CAPN3: variants seen among roughly 807,000 people sequenced by gnomAD.
CAPN3 encodes the protein calpain-3.
A neutral mutation model predicts 114.0 loss-of-function variants in CAPN3; 88 were observed. The observed-to-expected ratio is 0.77, with a 90% confidence interval of 0.65 to 0.92. CAPN3 has a LOEUF of 0.92. CAPN3 is among the 40% of genes least tolerant of loss of function. The pLI is 0.00. For synonymous variants in CAPN3, 386 were observed against 382.9 expected, an observed-to-expected ratio of 1.01 and a Z score of -0.09; for missense variants, 1,028 against 1,069.0, an observed-to-expected ratio of 0.96 and a Z score of 0.53.
chr15:42,403,798 G>C (rs2053943547), intron 14 of CAPN3, 21 bp downstream of exon 14: 1 of 1,612,944 alleles, frequency 6.2e-7, no homozygotes, highest in Non-Finnish European at 8.5e-7. Context: ...TAGATCTTCT[G>C]TGCGAAAAGT....
At chr15:42,392,295 C>T (rs1336149192) in intron 6 of CAPN3, among the ~76,000 whole-genome samples, 1 of 152,066 alleles carries the variant, frequency 6.6e-6, no homozygotes, top group East Asian at 1.9e-4. Context: ...ATCCTGAAGC[C>T]CAGGGCAGCC....
Position 42,396,913 on chromosome 15 carries a change from G to C in CAPN3, c.1193+36G>C, listed in dbSNP as rs745675826. The C allele has an allele frequency of 1.6e-5, 24 of 1,491,034 alleles. 2 individuals carry two copies. In the South Asian group the frequency reaches 2.7e-4, roughly 17 times the overall value. The allele number at this position is 1,491,034 out of a possible 1,614,324, so 92.4% of individuals were successfully genotyped here. A position where few individuals can be genotyped will look rare whatever the true frequency, so the allele number is the denominator to read the frequency against. ...AACCCAGGAAGACCCAGAAGGGTAA[G>C]GGTGGGGAAGAGAGGGGAAATCTCA... On this transcript the variant is annotated intron_variant, in intron 9 of 23. Transcript: ENST00000397163.
chr15:42,380,651 C>T (rs1487167484), intron 1 of CAPN3, among the ~76,000 whole-genome samples: 1 of 145,286 alleles, frequency 6.9e-6, no homozygotes, highest in African/African-American at 2.6e-5. Flanking sequence ...ATATATATGG[C>T]CCCATTCTTC....
intron 15 of CAPN3, among the ~76,000 whole-genome samples, chr15:42,406,429 G>C (rs938913228): frequency 2.0e-5 from 3 of 152,114 alleles, no homozygotes; most frequent in Non-Finnish European, 2.9e-5. Context: ...CCAGGTACTG[G>C]TGCTGGCCCA....
At position 42,410,485 on chromosome 15, in the gene CAPN3, A is replaced by G. The variant is rs759328241; in HGVS notation, c.2173A>G (p.Lys725Glu). Residue 725 changes from lysine (K) to glutamate (E), a missense_variant, in exon 20 of 24, where the codon AAG becomes GAG. Coordinates refer to ENST00000397163, the MANE Select transcript of CAPN3 (RefSeq NM_000070.3). ...GTTCCACCACCTCTGGAACAAGATT[A>G]AGGCCTGGCAGGTGGGAAGAGAAAA... is the stretch of plus-strand genomic sequence containing the variant. ...QEFHHLWNKI[K>E]AWQKIFKHYD... The G allele has an allele frequency of 1.9e-6, 3 of 1,613,972 alleles. No individual in the cohort carries two copies. The South Asian group carries it at 3.3e-5, about 18-fold the overall frequency.
At chr15:42,367,263 G>C (rs2052813183) in intron 1 of CAPN3, among the ~76,000 whole-genome samples, 1 of 152,200 alleles carries the variant, frequency 6.6e-6, no homozygotes, top group Non-Finnish European at 1.5e-5. Context: ...GCACAGGAGT[G>C]TGGGGAGAGA....
intron 17 of CAPN3, 28 bp from the exon 18 acceptor site, chr15:42,409,759 C>A: frequency 6.2e-7 from 1 of 1,609,572 alleles, no homozygotes. Flanking sequence ...ACTCCTGAAC[C>A]ATGACCCTCC....
intron 14 of CAPN3, chr15:42,404,360 A>T (rs759354088): frequency 2.2e-6 from 1 of 456,494 alleles, no homozygotes; most frequent in South Asian, 1.5e-5. Context: ...CACACTTTAC[A>T]CCTTACAAGG....
chr15:42,396,988 G>T (rs566834040), intron 9 of CAPN3, 111 bp downstream of exon 9: 1 of 836,318 alleles, frequency 1.2e-6, no homozygotes, highest in South Asian at 1.4e-5. Context: ...TGGGAGATCT[G>T]GGCTGTGTTC....
chr15:42,387,935 G>T (rs2053448601), intron 4 of CAPN3, 49 bp downstream of exon 4: 1 of 1,613,068 alleles, frequency 6.2e-7, no homozygotes, highest in Non-Finnish European at 8.5e-7. Context: ...GAGAAAGTGG[G>T]TTGCAAAATC....
At chr15:42,371,748 G>A (rs1451846256) in intron 1 of CAPN3, among the ~76,000 whole-genome samples, 3 of 152,116 alleles carry the variant, frequency 2.0e-5, no homozygotes, top group Non-Finnish European at 4.4e-5. Context: ...CAGATCACCT[G>A]AGGTCAGGAG....
intron 1 of CAPN3, among the ~76,000 whole-genome samples, chr15:42,370,149 A>G (rs940035787): frequency 6.6e-6 from 1 of 152,082 alleles, no homozygotes; most frequent in Non-Finnish European, 1.5e-5. Context: ...CTGAGATTAC[A>G]GGCGTGAGTC....
At chr15:42,367,854 G>A (rs767577927) in intron 1 of CAPN3, among the ~76,000 whole-genome samples, 2 of 152,050 alleles carry the variant, frequency 1.3e-5, no homozygotes, top group Admixed American at 1.3e-4. Context: ...AGAGATAGGA[G>A]TCTCACTATG....
At chr15:42,394,166 C>G in intron 7 of CAPN3, 90 bp from the exon 8 acceptor site, 1 of 1,197,214 alleles carries the variant, frequency 8.4e-7, no homozygotes, top group Non-Finnish European at 1.2e-6. Context: ...AAGAGATTTG[C>G]CCCCCAGCCC....
intron 1 of CAPN3, among the ~76,000 whole-genome samples, chr15:42,361,036 A>G (rs1422113955): frequency 6.6e-6 from 1 of 152,240 alleles, no homozygotes; most frequent in Non-Finnish European, 1.5e-5. Flanking sequence ...CAAGAGTGAC[A>G]TTGTCAGGAG....
chr15:42,364,020 T>G (rs2052717560), intron 1 of CAPN3, among the ~76,000 whole-genome samples: 2 of 152,186 alleles, frequency 1.3e-5, no homozygotes, highest in African/African-American at 4.8e-5. Flanking sequence ...GTAGTATTCC[T>G]TTATTGGCTC....
chr15:42,409,682 A>G (rs2141220933), intron 17 of CAPN3, 105 bp from the exon 18 acceptor site: 1 of 1,060,262 alleles, frequency 9.4e-7, no homozygotes, highest in African/African-American at 1.6e-5. Context: ...AATAGCACCG[A>G]CAGGGATTTT....
At chr15:42,411,681 C>T (rs1378451190) in intron 23 of CAPN3, 66 bp from the exon 24 acceptor site, 1 of 772,864 alleles carries the variant, frequency 1.3e-6, no homozygotes, top group Non-Finnish European at 2.0e-6. Context: ...CCGTAAGATT[C>T]CTAGGGCGGG....
chr15:42,408,095 GC>G, intron 15 of CAPN3, 115 bp from the exon 16 acceptor site: 1 of 706,940 alleles, frequency 1.4e-6, no homozygotes, highest in Non-Finnish European at 2.6e-6. Context: ...AAGAGCTCCC[GC>G]CTATTCCTTT....
Sources: allele counts gnomAD v4.1 joint callset (sites outside exome capture counted in the v4.1 genomes callset), GRCh38; gene constraint gnomAD v4.1.1; transcripts MANE v1.5; gene names NCBI Gene and HGNC (gene_info 2026-07-23, HGNC 2026-07-21).